The following CHGA variants were observed in gnomAD, a reference collection of about 807,000 sequenced individuals.
CHGA encodes the protein chromogranin-A.
Under a neutral mutation model 54.4 loss-of-function variants are expected in CHGA, and 41 were observed. The ratio of observed to expected loss-of-function variants is 0.75; its 90% CI spans 0.59 to 0.98. The LOEUF is 0.98. Among genes scored for constraint, CHGA ranks in the 50% least tolerant of loss-of-function variants. The pLI, the probability that CHGA is intolerant of heterozygous loss-of-function variation, is 0.00. For synonymous variants in CHGA, 249 were observed against 232.8 expected, an observed-to-expected ratio of 1.07 and a Z score of -0.63; for missense variants, 576 against 582.3, an observed-to-expected ratio of 0.99 and a Z score of 0.11.
At chr14:92,934,104 C>T (rs1887067810) in intron 7 of CHGA, among the ~76,000 whole-genome samples, 1 of 152,220 alleles carries the variant, frequency 6.6e-6, no homozygotes, top group South Asian at 2.1e-4. Context: ...GGAAAATGAC[C>T]CCTCCCAGGT....
Position 92,931,581 on chromosome 14 carries a change from G to A in CHGA, c.687G>A (p.Glu229=). 1 of 1,561,380 alleles carries A rather than the reference G, an allele frequency of 6.4e-7. No individual in the cohort carries two copies. Among genetic ancestry groups the A allele is most frequent in the African/African-American group, 1.4e-5 (1 of 71,540 alleles). ...CAGGGTGGCAGGCAAAGAGAGAAGA[G>A]GAGGAGGAGGAGGAGGAGGAGGCTG... ...AEPGWQAKRE[E]EEEEEEEAEA... The change falls in exon 6 of 8, where the codon GAG becomes GAA. Residue 229 remains glutamate, a synonymous_variant. Coordinates refer to ENST00000216492, the MANE Select transcript of CHGA (RefSeq NM_001275.4).
At chr14:92,927,695 C>A in intron 4 of CHGA, 77 bp downstream of exon 4, 2 of 1,179,692 alleles carry the variant, frequency 1.7e-6, no homozygotes, top group Non-Finnish European at 2.5e-6. Flanking sequence ...GAAGATTCAG[C>A]AAGTTCCTCT....
At chr14:92,923,453 C>A in intron 1 of CHGA, 48 bp downstream of exon 1, 2 of 1,239,198 alleles carry the variant, frequency 1.6e-6, no homozygotes, top group Non-Finnish European at 2.0e-6. Flanking sequence ...GGCGCCCCTG[C>A]CCACCTTGAG....
rs1383960320 is a variant in CHGA, at chr14:92,932,280, GC to G, written c.809-88del. Reference sequence around the variant, plus strand: ...ATCACTGTGGAGAGGCTGGGCTGTGGCCGCAGCAGAGGCCCCCAGGGAGTGG... The same window carrying G: ...ATCACTGTGGAGAGGCTGGGCTGTGGCGCAGCAGAGGCCCCCAGGGAGTGG... On this transcript the variant is annotated intron_variant, in intron 6 of 7. Coordinates refer to ENST00000216492, the MANE Select transcript of CHGA (RefSeq NM_001275.4). The surrounding 1 kb of genome is among the most constrained non-coding windows in gnomAD (Gnocchi z 5.3). 5 of 1,452,150 alleles carry G rather than the reference GC, an allele frequency of 3.4e-6. No homozygotes were observed. Among genetic ancestry groups the G allele is most frequent in the Non-Finnish European group, 4.6e-6 (5 of 1,096,756 alleles). 90.0% of individuals were successfully genotyped at this position (1,452,150 alleles called of 1,614,324 possible).
At chr14:92,924,850 G>A (rs935600251) in intron 2 of CHGA, among the ~76,000 whole-genome samples, 9 of 152,208 alleles carry the variant, frequency 5.9e-5, no homozygotes, top group African/African-American at 2.2e-4. Context: ...GACACACCAC[G>A]CTGGGTGTGT....
chr14:92,934,093 G>A (rs541513929), intron 7 of CHGA, among the ~76,000 whole-genome samples: 3 of 152,176 alleles, frequency 2.0e-5, no homozygotes, highest in Middle Eastern at 3.2e-3. Flanking sequence ...CAGTGACCCC[G>A]GGAAAATGAC....
intron 2 of CHGA, chr14:92,926,036 C>G (rs1052730433): frequency 4.6e-5 from 7 of 153,172 alleles, no homozygotes; most frequent in African/African-American, 1.7e-4. Context: ...CAGGGATTCA[C>G]CCATCCCATG....
chr14:92,926,709 G>C lies in CHGA; in HGVS notation c.187+11G>C, dbSNP rs769623232. The C allele has an allele frequency of 1.9e-6, 3 of 1,612,070 alleles. No individual in the cohort carries two copies. Among genetic ancestry groups the C allele is most frequent in the Non-Finnish European group, 1.7e-6 (2 of 1,178,326 alleles). The stretch of plus-strand genomic sequence containing the variant: ...AGACACTCCGAGGAGGTATGAGCTG[G>C]AGGCTAGGGGTGAGGGCTGCTGCCT... On this transcript the variant is annotated intron_variant, in intron 3 of 7. Transcript: ENST00000216492.
Position 92,934,864 on chromosome 14 carries a change from C to T in CHGA, c.1354C>T (p.Gln452Ter), listed in dbSNP as rs1478756518. 6.3e-7 allele frequency: 1 copy of T among 1,580,218 alleles called. No homozygotes were observed. The highest frequency in any genetic ancestry group is 2.3e-5 in the East Asian group (1 of 42,740). ...GCTGGAGAAAGTGGCCCACCAGCTGCAGGCACTACGGCGGGGCTGAGACAC... is the reference window on the plus strand; with the variant it reads ...GCTGGAGAAAGTGGCCCACCAGCTGTAGGCACTACGGCGGGGCTGAGACAC... Reference protein sequence around the residue: ...AELEKVAHQLQALRRG With the variant: ...AELEKVAHQL The change falls in exon 8 of 8, where the codon CAG becomes TAG. Residue 452 changes from glutamine to a stop codon, truncating the protein, a stop_gained. Transcript: ENST00000216492. LOFTEE classifies it high-confidence loss of function.
At chr14:92,930,819 C>T (rs1045039785) in intron 5 of CHGA, among the ~76,000 whole-genome samples, 3 of 152,128 alleles carry the variant, frequency 2.0e-5, no homozygotes, top group African/African-American at 7.2e-5. Flanking sequence ...TTAATGAAAC[C>T]CTAAAATATT....
rs1172570712 is a variant in CHGA at position 92,932,564 on chromosome 14, G to A, written c.1003G>A (p.Glu335Lys). 2 of 1,559,060 alleles carry A rather than the reference G, an allele frequency of 1.3e-6. No individual in the cohort carries two copies. The highest frequency in any genetic ancestry group is 1.4e-5 in the African/African-American group (1 of 73,882). The change falls in exon 7 of 8, where the codon GAG (glutamate) becomes AAG (lysine). Residue 335 changes from glutamate (E) to lysine (K), a missense_variant. Glu to Lys is a moderately conservative substitution (Grantham distance 56, BLOSUM62 1). Coordinates refer to ENST00000216492, the MANE Select transcript of CHGA (RefSeq NM_001275.4). The surrounding 1 kb of genome is among the most constrained non-coding windows in gnomAD (Gnocchi z 5.3). ...LEQEEERLSK[E>K]WEDSKRWSKM... Reference sequence around the variant, plus strand: ...GCAGGAGGAGGAGCGGCTCTCCAAGGAGTGGGAGGACTCCAAACGCTGGAG... The same window carrying A: ...GCAGGAGGAGGAGCGGCTCTCCAAGAAGTGGGAGGACTCCAAACGCTGGAG...
Position 92,932,101 on chromosome 14 carries a change from C to A in CHGA, c.809-269C>A. On this transcript the variant is annotated intron_variant, in intron 6 of 7. Coordinates refer to ENST00000216492, the MANE Select transcript of CHGA (RefSeq NM_001275.4). The surrounding 1 kb of genome is among the most constrained non-coding windows in gnomAD (Gnocchi z 5.3). ...ACGGTTTAGGAGAGGCCCTGGCTCC[C>A]GCTGCGGGCCTGTCAGGGTCTTTCC... The A allele has an allele frequency of 2.2e-6, 1 of 460,648 alleles. No homozygotes were observed. Among genetic ancestry groups the A allele is most frequent in the Non-Finnish European group, 3.9e-6 (1 of 258,994 alleles). 28.5% of individuals were successfully genotyped at this position (460,648 alleles called of 1,614,324 possible).
intron 2 of CHGA, among the ~76,000 whole-genome samples, chr14:92,925,486 A>T (rs988268066): frequency 1.1e-4 from 5 of 46,626 alleles, no homozygotes; most frequent in Admixed American, 1.1e-3. Flanking sequence ...GCAGCTGGCT[A>T]AGACCTGAAG....
At position 92,932,565 on chromosome 14, in the gene CHGA, A is replaced by G. The variant is rs1394865669; in HGVS notation, c.1004A>G (p.Glu335Gly). ...CAGGAGGAGGAGCGGCTCTCCAAGG[A>G]GTGGGAGGACTCCAAACGCTGGAGC... is the stretch of plus-strand genomic sequence containing the variant. ...LEQEEERLSK[E>G]WEDSKRWSKM... The change falls in exon 7 of 8, where the codon GAG becomes GGG. Residue 335 changes from glutamate (E) to glycine (G), a missense_variant. Transcript: ENST00000216492. The surrounding 1 kb of genome is among the most constrained non-coding windows in gnomAD (Gnocchi z 5.3). 6.4e-7 allele frequency: 1 copy of G among 1,559,140 alleles called. No homozygotes were observed.
intron 2 of CHGA, chr14:92,926,336 TCTCA>T (rs751813995): frequency 2.1e-6 from 1 of 481,636 alleles, no homozygotes; most frequent in Admixed American, 3.3e-5. Context: ...TACACCCCAT[TCTCA>T]CTATGATCCA....
chr14:92,931,115 A>AT, intron 5 of CHGA, 135 bp from the exon 6 acceptor site: 2 of 796,034 alleles, frequency 2.5e-6, no homozygotes, highest in Non-Finnish European at 4.0e-6. Flanking sequence ...ACAGAGGGGT[A>AT]ACCCTAATCG....
chr14:92,924,768 AG>A (rs1477555136), intron 2 of CHGA, among the ~76,000 whole-genome samples: 1 of 152,174 alleles, frequency 6.6e-6, no homozygotes, highest in Non-Finnish European at 1.5e-5. Context: ...TCCCACCAAT[AG>A]GGGCTAGTTG....
chr14:92,924,791 C>T (rs1203685689), intron 2 of CHGA, among the ~76,000 whole-genome samples: 1 of 152,200 alleles, frequency 6.6e-6, no homozygotes, highest in Non-Finnish European at 1.5e-5. Context: ...GGAGGTCACC[C>T]AGGAAAGGGC....
chr14:92,930,058 C>T (rs1343842763), intron 5 of CHGA, among the ~76,000 whole-genome samples: 1 of 152,214 alleles, frequency 6.6e-6, no homozygotes, highest in African/African-American at 2.4e-5. Flanking sequence ...TCCCGTCTGC[C>T]CAGAAGAGGG....
Sources: gnomAD v4.1 joint callset for allele counts (sites outside exome capture counted in the v4.1 genomes callset) on GRCh38, gnomAD v4.1.1 for gene constraint, Gnocchi (gnomAD v3.1) non-coding constraint, MANE v1.5 for transcripts, NCBI Gene and HGNC (gene_info 2026-07-23, HGNC 2026-07-21) for gene names.